The following TAFA1 variants were observed in gnomAD, a reference collection of about 807,000 sequenced individuals.
TAFA1 encodes the protein chemokine-like protein TAFA-1.
In TAFA1, 4 loss-of-function variants were observed where a neutral mutation model predicts 18.5. That is an observed-to-expected ratio of 0.22 (90% CI 0.11 to 0.49). The LOEUF is 0.49. Among genes scored for constraint, TAFA1 ranks in the 20% least tolerant of loss-of-function variants. The pLI, the probability that TAFA1 is intolerant of heterozygous loss-of-function variation, is 0.98. For synonymous variants in TAFA1, 56 were observed against 55.2 expected (o/e 1.01, Z -0.06); for missense variants, 147 against 169.0 (o/e 0.87, Z 0.72).
At chr3:68,326,339 G>C (rs2068777435) in intron 2 of TAFA1, among the ~76,000 whole-genome samples, 1 of 152,138 alleles carries the variant, frequency 6.6e-6, no homozygotes, top group South Asian at 2.1e-4. Flanking sequence ...GCAGCCTCTG[G>C]TTTGTGTCAT....
chr3:68,361,521 A>C (rs554005713), intron 2 of TAFA1, among the ~76,000 whole-genome samples: 1 of 152,172 alleles, frequency 6.6e-6, no homozygotes, highest in African/African-American at 2.4e-5. Context: ...AGAGATGGTA[A>C]ATACTCAAAG....
At chr3:68,049,790 G>A (rs2064443261) in intron 2 of TAFA1, among the ~76,000 whole-genome samples, 2 of 152,076 alleles carry the variant, frequency 1.3e-5, no homozygotes, top group African/African-American at 2.4e-5. Context: ...TGAGGGGAAG[G>A]AGCAGGGAGA....
At chr3:68,185,988 A>T (rs1277852044) in intron 2 of TAFA1, among the ~76,000 whole-genome samples, 1 of 152,064 alleles carries the variant, frequency 6.6e-6, no homozygotes, top group African/African-American at 2.4e-5. Context: ...TCATTAGAAG[A>T]TGCTGAGCAT....
At chr3:68,256,646 C>G (rs1459398312) in intron 2 of TAFA1, among the ~76,000 whole-genome samples, 5 of 151,982 alleles carry the variant, frequency 3.3e-5, no homozygotes, top group Non-Finnish European at 7.4e-5. Flanking sequence ...ATGGCCTTGG[C>G]ATTGTGTAAA....
intron 2 of TAFA1, among the ~76,000 whole-genome samples, chr3:68,035,054 C>A (rs1705017009): frequency 6.6e-6 from 1 of 152,090 alleles, no homozygotes; most frequent in African/African-American, 2.4e-5. Flanking sequence ...TTTATATTCC[C>A]CCTACTTTAC....
chr3:68,527,986 T>G (rs1395114038), intron 3 of TAFA1, among the ~76,000 whole-genome samples: 1 of 152,134 alleles, frequency 6.6e-6, no homozygotes. Flanking sequence ...TCATCAGCCC[T>G]TAACTTCATG....
At chr3:68,370,543 G>A (rs2069685033) in intron 2 of TAFA1, among the ~76,000 whole-genome samples, 1 of 107,604 alleles carries the variant, frequency 9.3e-6, no homozygotes, top group African/African-American at 3.4e-5. Context: ...GGAGCCTGAA[G>A]TTAACCAGAG....
chr3:68,144,903 A>G (rs1322566155), intron 2 of TAFA1: 4 of 681,142 alleles, frequency 5.9e-6, no homozygotes, highest in African/African-American at 3.6e-5. Context: ...AAAATTGGAG[A>G]TAATAATAGG....
chr3:68,304,706 G>T (rs1397114733), intron 2 of TAFA1, among the ~76,000 whole-genome samples: 2 of 152,114 alleles, frequency 1.3e-5, no homozygotes, highest in African/African-American at 2.4e-5. Context: ...GATTTGGCAA[G>T]GTCAGAGTTT....
chr3:68,191,640 A>C (rs1342090361), intron 2 of TAFA1, among the ~76,000 whole-genome samples: 2 of 151,820 alleles, frequency 1.3e-5, no homozygotes, highest in Non-Finnish European at 2.9e-5. Context: ...AGTTGCCACA[A>C]ACTTTTTATC....
At chr3:68,380,708 A>G (rs1348466224) in intron 2 of TAFA1, among the ~76,000 whole-genome samples, 1 of 151,818 alleles carries the variant, frequency 6.6e-6, no homozygotes, top group Non-Finnish European at 1.5e-5. Flanking sequence ...ATTTTCTCCC[A>G]TTTTGTAGGT....
At chr3:68,238,437 C>A (rs2066956871) in intron 2 of TAFA1, among the ~76,000 whole-genome samples, 1 of 152,178 alleles carries the variant, frequency 6.6e-6, no homozygotes, top group Admixed American at 6.5e-5. Context: ...GATGTAAGAT[C>A]TGGAAGAAGC....
intron 2 of TAFA1, among the ~76,000 whole-genome samples, chr3:68,146,936 A>G (rs2065748009): frequency 6.6e-6 from 1 of 152,062 alleles, no homozygotes; most frequent in Non-Finnish European, 1.5e-5. Context: ...ATCAGGCTGG[A>G]AATTTGGAGA....
intron 2 of TAFA1, among the ~76,000 whole-genome samples, chr3:68,154,023 G>A (rs1352490516): frequency 6.6e-6 from 1 of 152,156 alleles, no homozygotes; most frequent in Non-Finnish European, 1.5e-5. Context: ...ATGCTAGCCA[G>A]CTTAATGAAC....
chr3:68,238,233 A>G (rs1380418078), intron 2 of TAFA1, among the ~76,000 whole-genome samples: 1 of 152,164 alleles, frequency 6.6e-6, no homozygotes, highest in East Asian at 1.9e-4. Context: ...TTGACATCAG[A>G]GGGCTGGTAA....
intron 2 of TAFA1, among the ~76,000 whole-genome samples, chr3:68,187,461 A>G (rs916223689): frequency 2.0e-5 from 3 of 152,146 alleles, no homozygotes; most frequent in Admixed American, 1.3e-4. Flanking sequence ...GTGGGCTGAT[A>G]CACTCATTGT....
chr3:68,364,939 C>A (rs2069537756), intron 2 of TAFA1, among the ~76,000 whole-genome samples: 1 of 152,118 alleles, frequency 6.6e-6, no homozygotes, highest in Non-Finnish European at 1.5e-5. Context: ...GGGATTTGAA[C>A]CTAAACATGT....
chr3:68,241,138 G>C (rs1165161726), intron 2 of TAFA1, among the ~76,000 whole-genome samples: 1 of 152,032 alleles, frequency 6.6e-6, no homozygotes, highest in African/African-American at 2.4e-5. Flanking sequence ...GTTATCTGCG[G>C]TTATAAGAAA....
At chr3:68,476,065 T>C (rs2072090100) in intron 3 of TAFA1, among the ~76,000 whole-genome samples, 1 of 152,188 alleles carries the variant, frequency 6.6e-6, no homozygotes, top group African/African-American at 2.4e-5. Flanking sequence ...TATTAGCCCT[T>C]TGTCAGTTGA....
Sources: gnomAD v4.1 joint callset for allele counts (sites outside exome capture counted in the v4.1 genomes callset) on GRCh38, gnomAD v4.1.1 for gene constraint, MANE v1.5 for transcripts, NCBI Gene and HGNC (gene_info 2026-07-23, HGNC 2026-07-21) for gene names.